SORBS2: variants seen among roughly 807,000 people sequenced by gnomAD.
SORBS2 encodes sorbin and SH3 domain containing 2.
A neutral mutation model predicts 97.7 loss-of-function variants in SORBS2; 46 were observed. The observed-to-expected ratio is 0.47, with a 90% CI of 0.37 to 0.60. The LOEUF is 0.60. Ranked by LOEUF, SORBS2 falls within the 20% of genes least tolerant of loss-of-function variation. SORBS2 has a pLI of 0.00. For synonymous variants in SORBS2, 476 were observed against 473.4 expected (o/e 1.01, Z -0.07); for missense variants, 1,316 against 1,282.3 (o/e 1.03, Z -0.40).
At chr4:185,740,604 T>G (rs912886026) in intron 2 of SORBS2, among the ~76,000 whole-genome samples, 1 of 151,424 alleles carries the variant, frequency 6.6e-6, no homozygotes, top group African/African-American at 2.4e-5. Context: ...CAGCCCAACA[T>G]TAACTCAGCC....
At position 185,623,944 on chromosome 4, in the gene SORBS2, G is replaced by T; in HGVS notation, c.1185C>A (p.Arg395=). 1 of 1,614,208 alleles carries T rather than the reference G, an allele frequency of 6.2e-7. No homozygotes were observed. The highest frequency in any genetic ancestry group is 8.5e-7 in the Non-Finnish European group (1 of 1,180,040). Residue 395 remains arginine (R), a synonymous_variant, in exon 7 of 15, where the codon CGC becomes CGA. Transcript: ENST00000418609. The surrounding 1 kb of genome is among the most constrained non-coding windows in gnomAD (Gnocchi z 6.4). ...CCTCCGTGGAGCACTGGCTCCAGGC[G>T]CGCAGCAGGTCCTTGTGCTGCTGCT...
Position 185,623,611 on chromosome 4 carries a change from C to A in SORBS2, c.1518G>T (p.Gly506=), listed in dbSNP as rs1478838511. 1 of 1,613,936 alleles carries A rather than the reference C, an allele frequency of 6.2e-7. No individual in the cohort carries two copies. The highest frequency in any genetic ancestry group is 8.5e-7 in the Non-Finnish European group (1 of 1,180,028). Residue 506 remains glycine, a synonymous_variant, in exon 7 of 15, where the codon GGG becomes GGT. Transcript: ENST00000418609. The surrounding 1 kb of genome is among the most constrained non-coding windows in gnomAD (Gnocchi z 6.4). ...TGTAGTCACTGTGGTCGGACACAACCCCGTCCTGGTCGCTGTCGGAAAACT... is the reference window on the plus strand; with the variant it reads ...TGTAGTCACTGTGGTCGGACACAACACCGTCCTGGTCGCTGTCGGAAAACT...
intron 2 of SORBS2, among the ~76,000 whole-genome samples, chr4:185,719,443 T>C (rs201064288): frequency 1.3e-5 from 2 of 152,232 alleles, no homozygotes; most frequent in East Asian, 3.8e-4. Flanking sequence ...TTGTGACATA[T>C]AGAGTAACAG....
At chr4:185,727,806 A>G (rs2098570101) in intron 2 of SORBS2, among the ~76,000 whole-genome samples, 1 of 152,210 alleles carries the variant, frequency 6.6e-6, no homozygotes, top group African/African-American at 2.4e-5. Flanking sequence ...AGCTTCAGAA[A>G]AATGCACCTT....
intron 1 of SORBS2, among the ~76,000 whole-genome samples, chr4:185,831,486 C>A (rs777277385): frequency 5.3e-5 from 8 of 152,204 alleles, no homozygotes; most frequent in African/African-American, 1.9e-4. Context: ...TTCCTCAAAT[C>A]ATTTTTAGGA....
intron 12 of SORBS2, among the ~76,000 whole-genome samples, chr4:185,611,549 A>T (rs1363632084): frequency 6.6e-6 from 1 of 152,176 alleles, no homozygotes; most frequent in Non-Finnish European, 1.5e-5. Flanking sequence ...TCGATATTTT[A>T]ACTTGAAAAT....
intron 2 of SORBS2, among the ~76,000 whole-genome samples, chr4:185,713,466 C>T (rs1241864155): frequency 6.6e-6 from 1 of 152,198 alleles, no homozygotes; most frequent in Non-Finnish European, 1.5e-5. Flanking sequence ...AGACTTTCAT[C>T]AGGAGAACGT....
At chr4:185,730,310 CTTTTTT>C (rs67749971) in intron 2 of SORBS2, among the ~76,000 whole-genome samples, 2 of 125,284 alleles carry the variant, frequency 1.6e-5, no homozygotes, top group Non-Finnish European at 3.3e-5. Context: ...AATATACTTT[CTTTTTT>C]TTTTTTTTTT....
intron 1 of SORBS2, among the ~76,000 whole-genome samples, chr4:185,881,867 A>T (rs1277091162): frequency 6.6e-6 from 1 of 152,206 alleles, no homozygotes; most frequent in Non-Finnish European, 1.5e-5. Flanking sequence ...AATGTTGTTT[A>T]TCTTTCATAT....
chr4:185,938,214 T>A (rs547465970), intron 1 of SORBS2, among the ~76,000 whole-genome samples: 1 of 152,046 alleles, frequency 6.6e-6, no homozygotes, highest in South Asian at 2.1e-4. Flanking sequence ...GCCAGGCTAG[T>A]CTCGAACTTC....
upstream of SORBS2, chr4:185,657,279 C>T (rs1259609868): frequency 7.8e-6 from 5 of 644,484 alleles, no homozygotes; most frequent in Non-Finnish European, 1.2e-5. Flanking sequence ...CTGCCACACA[C>T]AGCATAACAT....
chr4:185,938,208 G>A (rs1267067480), intron 1 of SORBS2, among the ~76,000 whole-genome samples: 1 of 151,850 alleles, frequency 6.6e-6, no homozygotes, highest in Non-Finnish European at 1.5e-5. Context: ...AGGTTGGCCA[G>A]GCTAGTCTCG....
chr4:185,775,323 G>A (rs1406785858), exon 2 of SORBS2: 1 of 152,532 alleles, frequency 6.6e-6, no homozygotes, highest in Non-Finnish European at 1.5e-5. Context: ...CTTTTTAAAA[G>A]GTCTTGAACT....
chr4:185,646,431 AT>A lies in SORBS2; in HGVS notation c.396+236del. 8 of 316,884 alleles carry A rather than the reference AT, an allele frequency of 2.5e-5. No homozygotes were observed. In the East Asian group the frequency reaches 3.6e-4, roughly 14 times the overall value. The allele number at this position is 316,884 out of a possible 1,614,324, so 19.6% of individuals were successfully genotyped here. On this transcript the variant is annotated intron_variant, in intron 4 of 14. Coordinates refer to ENST00000418609, the Ensembl canonical transcript of SORBS2. Reference sequence around the variant, plus strand: ...CATGTGTGTGTGTATATATATATATATAAATACACACACATACACACACACA... The same window carrying A: ...CATGTGTGTGTGTATATATATATATAAAATACACACACATACACACACACA...
chr4:185,661,899 G>T (rs537605660), upstream of SORBS2, among the ~76,000 whole-genome samples: 1 of 152,034 alleles, frequency 6.6e-6, no homozygotes, highest in Non-Finnish European at 1.5e-5. Flanking sequence ...CCCACACCAG[G>T]CTCAGACACA....
intron 1 of SORBS2, among the ~76,000 whole-genome samples, chr4:185,850,606 T>C (rs2099217297): frequency 6.6e-6 from 1 of 152,202 alleles, no homozygotes; most frequent in African/African-American, 2.4e-5. Flanking sequence ...GTAAGCCTGG[T>C]CAACTGCCTG....
In SORBS2 at chr4:185,623,467, G is replaced by A. The variant is rs773433956; in HGVS notation, c.1662C>T (p.His554=). The A allele has an allele frequency of 3.1e-6, 5 of 1,609,110 alleles. No homozygotes were observed. Among genetic ancestry groups the A allele is most frequent in the Non-Finnish European group, 4.2e-6 (5 of 1,179,450 alleles). ...CTTTGCAGGAGCTGATGAGGTGGCG[G>A]TGGTGGTGGTGGTGGTGATGGTGGT... The change falls in exon 7 of 15, where the codon CAC becomes CAT. Residue 554 remains histidine, a synonymous_variant. Transcript: ENST00000418609. This position sits in a 1 kb window ranked among gnomAD's most constrained non-coding sequence, Gnocchi z 6.4.
At chr4:185,811,155 A>C (rs1479688126) in intron 1 of SORBS2, 1 of 152,238 alleles carries the variant, frequency 6.6e-6, no homozygotes. Flanking sequence ...AGGGTAAGCA[A>C]GTACAAAATC....
At chr4:185,827,171 CCATCATCAGAATCACCAT>C (rs2099200740) in intron 1 of SORBS2, among the ~76,000 whole-genome samples, 1 of 94,822 alleles carries the variant, frequency 1.1e-5, no homozygotes, top group African/African-American at 4.1e-5. Context: ...ACCATCATCA[CCATCATCAGAATCACCAT>C]CATCATCATC....
Sources: gnomAD v4.1 joint callset for allele counts (sites outside exome capture counted in the v4.1 genomes callset) on GRCh38, gnomAD v4.1.1 for gene constraint, Gnocchi (gnomAD v3.1) non-coding constraint, MANE v1.5 for transcripts, NCBI Gene and HGNC (gene_info 2026-07-23, HGNC 2026-07-21) for gene names.